Variants in GRID2 observed in about 807,000 individuals in gnomAD.
The protein encoded by GRID2 is glutamate ionotropic receptor delta type subunit 2, also known as glutamate receptor ionotropic, delta-2.
GRID2 carries 33 observed loss-of-function variants against 114.8 expected under a neutral mutation model. The ratio of observed to expected loss-of-function variants is 0.29; its 90% CI spans 0.22 to 0.38. The LOEUF (loss-of-function observed/expected upper bound fraction) is 0.38, where lower values mean the gene tolerates loss of function less well. Among genes scored for constraint, GRID2 ranks in the 10% least tolerant of loss-of-function variants. The pLI, the probability that GRID2 is intolerant of heterozygous loss-of-function variation, is 1.00. For synonymous variants in GRID2, 505 were observed against 449.9 expected (o/e 1.12, Z -1.55); for missense variants, 1,184 against 1,257.7 (o/e 0.94, Z 0.89).
chr4:93,021,718 TATA>T (rs927530053), intron 2 of GRID2, among the ~76,000 whole-genome samples: 30 of 145,704 alleles, frequency 2.1e-4, no homozygotes, highest in South Asian at 2.1e-4. Context: ...TATAATTATT[TATA>T]ATATGTATAT....
At chr4:93,198,884 C>A (rs1239369750) in intron 4 of GRID2, among the ~76,000 whole-genome samples, 3 of 152,060 alleles carry the variant, frequency 2.0e-5, no homozygotes, top group Non-Finnish European at 4.4e-5. Context: ...GTTCATAAAT[C>A]CTAGCAATTA....
At chr4:92,705,350 C>T (rs1190585241) in intron 2 of GRID2, among the ~76,000 whole-genome samples, 1 of 152,110 alleles carries the variant, frequency 6.6e-6, no homozygotes, top group Non-Finnish European at 1.5e-5. Context: ...ATTCTTTCGA[C>T]ATTTATTTAT....
At chr4:92,400,145 A>G (rs889356373) in intron 1 of GRID2, among the ~76,000 whole-genome samples, 4 of 152,168 alleles carry the variant, frequency 2.6e-5, no homozygotes, top group Non-Finnish European at 5.9e-5. Flanking sequence ...TAAAGTGTAT[A>G]GTTCAGTCAT....
intron 1 of GRID2, among the ~76,000 whole-genome samples, chr4:92,570,917 T>G (rs1413399608): frequency 6.6e-6 from 1 of 152,142 alleles, no homozygotes; most frequent in Non-Finnish European, 1.5e-5. Flanking sequence ...ACTCCCTGTC[T>G]TTGTATTTGA....
Position 93,317,986 on chromosome 4 carries a change from A to AATATATATATATATATATAT in GRID2, c.1246-77604_1246-77585dup, listed in dbSNP as rs58755199. 8.2e-3 allele frequency among the ~76,000 whole-genome samples: 821 copies of AATATATATATATATATATAT among 100,728 alleles called. 41 individuals carry two copies. Among genetic ancestry groups the AATATATATATATATATATAT allele is most frequent in the Non-Finnish European group, 0.01 (482 of 47,598 alleles). 66.1% of individuals were successfully genotyped at this position (100,728 alleles called of 152,430 possible). A position where few individuals can be genotyped will look rare whatever the true frequency, so the allele number is the denominator to read the frequency against. ...GTTTTATCTTTCCCTTTAAAAGTGAAATATATATATATATATATATATATA... is the reference window on the plus strand; with the variant it reads ...GTTTTATCTTTCCCTTTAAAAGTGAAATATATATATATATATATATATATATATATATATATATATATATA... On this transcript the variant is annotated intron_variant, in intron 8 of 15. Transcript: ENST00000282020.
At position 92,969,705 on chromosome 4, in the gene GRID2, C is replaced by T. The variant is rs559464320; in HGVS notation, c.245-115290C>T. Among the ~76,000 whole-genome samples, 5 of 151,844 alleles carry T rather than the reference C, an allele frequency of 3.3e-5. No homozygotes were observed. In the South Asian group the frequency reaches 6.2e-4, roughly 19 times the overall value. On this transcript the variant is annotated intron_variant, in intron 2 of 15. Transcript: ENST00000282020. ...GCAAAATTTCTTAATTCCATACTTT[C>T]GTTTTCAATGTGTTTTTGACATAGG...
intron 8 of GRID2, among the ~76,000 whole-genome samples, chr4:93,309,551 A>C (rs908469150): frequency 4.6e-5 from 7 of 151,664 alleles, no homozygotes; most frequent in African/African-American, 1.7e-4. Flanking sequence ...AAATAATAAT[A>C]ATAATAATAA....
At chr4:93,369,134 C>T (rs1475899125) in intron 8 of GRID2, among the ~76,000 whole-genome samples, 1 of 152,140 alleles carries the variant, frequency 6.6e-6, no homozygotes. Flanking sequence ...CAGGGCTGCA[C>T]TCCCCCTAAA....
chr4:93,313,336 G>T (rs1756226598), intron 8 of GRID2, among the ~76,000 whole-genome samples: 1 of 152,136 alleles, frequency 6.6e-6, no homozygotes, highest in African/African-American at 2.4e-5. Flanking sequence ...TTCTGCAGAG[G>T]AATGACTTGA....
At chr4:92,436,048 A>G (rs1327167092) in intron 1 of GRID2, among the ~76,000 whole-genome samples, 2 of 152,160 alleles carry the variant, frequency 1.3e-5, no homozygotes, top group Non-Finnish European at 2.9e-5. Flanking sequence ...AGTTTTGTTG[A>G]CTAATGGGAA....
chr4:93,030,857 AAGAG>A (rs1181992178), intron 2 of GRID2, among the ~76,000 whole-genome samples: 1 of 145,294 alleles, frequency 6.9e-6, no homozygotes, highest in African/African-American at 2.4e-5. Context: ...GTGAGAAAAA[AAGAG>A]AGGAAAGGAA....
intron 12 of GRID2, among the ~76,000 whole-genome samples, chr4:93,497,133 G>C (rs1293647408): frequency 6.6e-6 from 1 of 151,456 alleles, no homozygotes; most frequent in Non-Finnish European, 1.5e-5. Context: ...TTGTGTAGTG[G>C]TATTGAACAT....
intron 13 of GRID2, among the ~76,000 whole-genome samples, chr4:93,524,785 GTATATATATATATATA>G (rs772724087): frequency 1.1e-5 from 1 of 87,376 alleles, no homozygotes; most frequent in South Asian, 3.9e-4. Flanking sequence ...GTATGTATGT[GTATATATATATATATA>G]TATATATATA....
chr4:92,759,006 T>A lies in GRID2; in HGVS notation c.244+168720T>A, dbSNP rs1419714580. Among the ~76,000 whole-genome samples the A allele has an allele frequency of 3.3e-5, 5 of 152,302 alleles. No individual in the cohort carries two copies. In the East Asian group the frequency reaches 7.7e-4, roughly 24 times the overall value. On this transcript the variant is annotated intron_variant, in intron 2 of 15. Coordinates refer to ENST00000282020, the MANE Select transcript of GRID2 (RefSeq NM_001510.4). ...TAGGAGAATCAATTTTTAAAAAGTT[T>A]AACTTTTAAAACTTAGTTCATTTGA... is the stretch of plus-strand genomic sequence containing the variant.
At chr4:93,006,618 A>G (rs746759794) in intron 2 of GRID2, among the ~76,000 whole-genome samples, 1 of 151,956 alleles carries the variant, frequency 6.6e-6, no homozygotes, top group Non-Finnish European at 1.5e-5. Context: ...GAGTCACTAT[A>G]TCAGAAAACC....
intron 2 of GRID2, among the ~76,000 whole-genome samples, chr4:92,610,236 A>G (rs1236307652): frequency 2.0e-5 from 3 of 151,646 alleles, no homozygotes; most frequent in African/African-American, 4.8e-5. Context: ...AGGTTTTACC[A>G]GGCAGATGGG....
intron 2 of GRID2, among the ~76,000 whole-genome samples, chr4:92,667,800 G>C (rs1732862178): frequency 6.6e-6 from 1 of 151,658 alleles, no homozygotes; most frequent in Admixed American, 6.6e-5. Context: ...TGCTTGGATT[G>C]ACATTTGATC....
intron 13 of GRID2, among the ~76,000 whole-genome samples, chr4:93,618,439 G>T (rs1281078300): frequency 6.6e-6 from 1 of 152,130 alleles, no homozygotes; most frequent in African/African-American, 2.4e-5. Flanking sequence ...GCTAATTGTA[G>T]AAGGTAAAAT....
intron 1 of GRID2, among the ~76,000 whole-genome samples, chr4:92,508,345 T>C (rs551289929): frequency 6.6e-6 from 1 of 152,052 alleles, no homozygotes; most frequent in East Asian, 1.9e-4. Flanking sequence ...TGGCAGTAAA[T>C]ACTTGATAGG....
Sources: allele counts gnomAD v4.1 joint callset (sites outside exome capture counted in the v4.1 genomes callset), GRCh38; gene constraint gnomAD v4.1.1; transcripts MANE v1.5; gene names NCBI Gene and HGNC (gene_info 2026-07-23, HGNC 2026-07-21).